Variants in THBS3 observed in about 807,000 individuals in gnomAD.
THBS3 encodes thrombospondin 3, also known as thrombospondin-3.
THBS3 carries 78 observed loss-of-function variants against 118.3 expected under a neutral mutation model. The ratio of observed to expected loss-of-function variants is 0.66; its 90% CI spans 0.55 to 0.80. The LOEUF is 0.80. Ranked by LOEUF, THBS3 falls within the 30% of genes least tolerant of loss-of-function variation. THBS3 has a pLI of 0.00. For missense variants in THBS3, 1,057 were observed against 1,247.4 expected (o/e 0.85, Z 2.30); for synonymous variants, 427 against 475.3 (o/e 0.90, Z 1.32).
rs1670513702 is a variant in THBS3 at position 155,206,158 on chromosome 1, A to C, written c.286+42T>G. 1 of 1,605,196 alleles carries C rather than the reference A, an allele frequency of 6.2e-7. No homozygotes were observed. On this transcript the variant is annotated intron_variant, in intron 2 of 22. Transcript: ENST00000368378. The surrounding 1 kb of genome is among the most constrained non-coding windows in gnomAD (Gnocchi z 4.2). ...GAAGTAGGGATGAGGGAGAGTGCTT[A>C]AGGAGGTCACCATTGCAAGAAAGGA...
rs1290148234 is a variant in THBS3 at position 155,198,126 on chromosome 1, A to G, written c.2169T>C (p.Leu723=). 1 of 1,614,150 alleles carries G rather than the reference A, an allele frequency of 6.2e-7. No individual in the cohort carries two copies. The highest frequency in any genetic ancestry group is 8.5e-7 in the Non-Finnish European group (1 of 1,180,030). The change falls in exon 18 of 23, where the codon CTT becomes CTC. Residue 723 remains leucine, a synonymous_variant. Coordinates refer to ENST00000368378, the MANE Select transcript of THBS3 (RefSeq NM_007112.5). ...CGGTCTGATAGGCCCGAAAATCCGT[A>G]AGCGTTACCTCTGCACTTTCAGGAC... ...DVCPESAEVT[L]TDFRAYQTVV...
chr1:155,203,976 T>G (rs977589169), intron 4 of THBS3, among the ~76,000 whole-genome samples: 1 of 152,060 alleles, frequency 6.6e-6, no homozygotes, highest in Non-Finnish European at 1.5e-5. Flanking sequence ...TAGCTGGGAC[T>G]ACAGGTGCCC....
At chr1:155,204,669 T>C (rs1670288471) in intron 4 of THBS3, 186 bp downstream of exon 4, 3 of 616,386 alleles carry the variant, frequency 4.9e-6, no homozygotes, top group South Asian at 1.9e-5. Flanking sequence ...AGATCACTTT[T>C]TTTCTCGGAT....
chr1:155,205,505 C>T (rs1557877252), intron 2 of THBS3, 189 bp from the exon 3 acceptor site: 11 of 779,708 alleles, frequency 1.4e-5, no homozygotes, highest in East Asian at 2.8e-5. Flanking sequence ...AGGCCAGGCA[C>T]GGTGGCTCAC....
rs895184414 is a variant in THBS3 at position 155,202,184 on chromosome 1, G to C, written c.1098+77C>G. 6.3e-7 allele frequency: 1 copy of C among 1,593,860 alleles called. No homozygotes were observed. The highest frequency in any genetic ancestry group is 1.3e-5 in the African/African-American group (1 of 74,362). On this transcript the variant is annotated intron_variant, in intron 9 of 22. Transcript: ENST00000368378. This position sits in a 1 kb window ranked among gnomAD's most constrained non-coding sequence, Gnocchi z 5.5. Reference sequence around the variant, plus strand: ...CCATCCATGTCCCATTCATCACAAGGGTCCCATGTCCAACCCAGAAGCCCC... The same window carrying C: ...CCATCCATGTCCCATTCATCACAAGCGTCCCATGTCCAACCCAGAAGCCCC...
In THBS3 at chr1:155,202,022, T is replaced by A; in HGVS notation, c.1111A>T (p.Ile371Phe). The A allele has an allele frequency of 6.2e-7, 1 of 1,614,164 alleles. No homozygotes were observed. Among genetic ancestry groups the A allele is most frequent in the Non-Finnish European group, 8.5e-7 (1 of 1,180,028 alleles). The change falls in exon 10 of 23, where the codon ATC becomes TTC. Residue 371 changes from isoleucine to phenylalanine, a missense_variant. Physicochemically the swap from Ile to Phe is conservative, Grantham distance 21. Around this residue, in one of 3 missense-constraint regions of THBS3, gnomAD observed 544 missense variants for 715.6 expected, o/e 0.76. Coordinates refer to ENST00000368378, the MANE Select transcript of THBS3 (RefSeq NM_007112.5). This position sits in a 1 kb window ranked among gnomAD's most constrained non-coding sequence, Gnocchi z 5.5. ...TTGTTGCCATCGTTGCATTCATCGATGTCATTGCAGACCTGAAGGGGCAGA... is the reference window on the plus strand; with the variant it reads ...TTGTTGCCATCGTTGCATTCATCGAAGTCATTGCAGACCTGAAGGGGCAGA... The part of the protein sequence containing the change: ...ARASKQVCND[I>F]DECNDGNNGG...
At chr1:155,196,319 T>A (rs1190341688) in intron 21 of THBS3, 193 bp from the exon 22 acceptor site, 2 of 622,056 alleles carry the variant, frequency 3.2e-6, no homozygotes, top group Non-Finnish European at 5.5e-6. Context: ...GGCCCCTAGC[T>A]CTTTGTCCAG....
In THBS3 at chr1:155,202,366, G is replaced by C. The variant is rs1669896721; in HGVS notation, c.993C>G (p.Ser331Arg). The change falls in exon 9 of 23, where the codon AGC becomes AGG. Residue 331 changes from serine (S) to arginine (R), a missense_variant. Around this residue, in one of 3 missense-constraint regions of THBS3, gnomAD observed 544 missense variants for 715.6 expected, o/e 0.76. Transcript: ENST00000368378. This position sits in a 1 kb window ranked among gnomAD's most constrained non-coding sequence, Gnocchi z 5.5. ...GGAAGCCGGGCATGGTGTTGATGCA[G>C]CTGGAGCCCGGGAAACAGGGGTCAG... ...AHADPCFPGS[S>R]CINTMPGFHC... 3.7e-6 allele frequency: 6 copies of C among 1,614,064 alleles called. No homozygotes were observed. The highest frequency in any genetic ancestry group is 5.1e-6 in the Non-Finnish European group (6 of 1,180,026).
chr1:155,202,180 C>T lies in THBS3; in HGVS notation c.1098+81G>A. On this transcript the variant is annotated intron_variant, in intron 9 of 22. Transcript: ENST00000368378. This position sits in a 1 kb window ranked among gnomAD's most constrained non-coding sequence, Gnocchi z 5.5. ...AAAGCCATCCATGTCCCATTCATCA[C>T]AAGGGTCCCATGTCCAACCCAGAAG... 6.3e-7 allele frequency: 1 copy of T among 1,593,868 alleles called. No homozygotes were observed. The highest frequency in any genetic ancestry group is 8.6e-7 in the Non-Finnish European group (1 of 1,168,564).
chr1:155,205,246 A>C lies in THBS3; in HGVS notation c.357T>G (p.Asp119Glu). ...AVNLQQAGLA[D>E]GRTHTVLLRL... ...GCAGGAGAACTGTGTGTGTGCGCCC[A>C]TCAGCCAGGCCCGCTTGCTGTAGGT... The change falls in exon 3 of 23, where the codon GAT becomes GAG. Residue 119 changes from aspartate (D) to glutamate (E), a missense_variant. This residue lies in a region of THBS3 where 206 missense variants were observed against 205.7 expected (regional missense o/e 1.00). Transcript: ENST00000368378. 1 of 1,614,138 alleles carries C rather than the reference A, an allele frequency of 6.2e-7. No homozygotes were observed. Among genetic ancestry groups the C allele is most frequent in the East Asian group, 2.2e-5 (1 of 44,880 alleles).
Position 155,197,780 on chromosome 1 carries a change from C to T in THBS3, c.2302+100G>A, listed in dbSNP as rs569681720. On this transcript the variant is annotated intron_variant, in intron 19 of 22. Transcript: ENST00000368378. The surrounding 1 kb of genome is among the most constrained non-coding windows in gnomAD (Gnocchi z 5.0). ...CAGCTTGTGCCACTGCCTTCTCTCT[C>T]GCCACTTTGCCCATTCTCCCTGTCT... 4.0e-5 allele frequency: 64 copies of T among 1,594,984 alleles called. No individual in the cohort carries two copies. The highest frequency in any genetic ancestry group is 5.0e-5 in the Admixed American group (3 of 59,740).
At chr1:155,203,005 A>G in intron 7 of THBS3, 45 bp from the exon 8 acceptor site, 1 of 1,613,862 alleles carries the variant, frequency 6.2e-7, no homozygotes, top group Non-Finnish European at 8.5e-7. Context: ...TCACTATTTA[A>G]GCCACCAGAA....
Position 155,204,912 on chromosome 1 carries a change from G to T in THBS3, c.589C>A (p.Arg197=), listed in dbSNP as rs748198784. The change falls in exon 4 of 23, where the codon CGG becomes AGG. Residue 197 remains arginine, a synonymous_variant. Transcript: ENST00000368378. ...GGACACTCACTCAGGGCTCCTACCC[G>T]GGCCATGGACCCACCCAGAATAATT... ...MKIILGGSMA[R]VGALSECPFQ... 6.2e-7 allele frequency: 1 copy of T among 1,613,912 alleles called. No individual in the cohort carries two copies. The highest frequency in any genetic ancestry group is 1.7e-5 in the Admixed American group (1 of 60,014).
At chr1:155,196,313 C>T in intron 21 of THBS3, 187 bp from the exon 22 acceptor site, 2 of 649,662 alleles carry the variant, frequency 3.1e-6, no homozygotes, top group South Asian at 2.0e-5. Flanking sequence ...GCCTGGGGCC[C>T]CTAGCTCTTT....
Position 155,195,824 on chromosome 1 carries a change from A to G in THBS3, c.*17T>C. Reference sequence around the variant, plus strand: ...AAGGGTCTAAAATTCTGAATTCTGAATCTGGTGGCCTCCTCCTCACACCCT... The same window carrying G: ...AAGGGTCTAAAATTCTGAATTCTGAGTCTGGTGGCCTCCTCCTCACACCCT... On this transcript the variant is annotated 3_prime_UTR_variant, in exon 23 of 23. Coordinates refer to ENST00000368378, the MANE Select transcript of THBS3 (RefSeq NM_007112.5). The G allele has an allele frequency of 6.2e-7, 1 of 1,613,480 alleles. No individual in the cohort carries two copies. Among genetic ancestry groups the G allele is most frequent in the Non-Finnish European group, 8.5e-7 (1 of 1,179,948 alleles).
rs893253403 is a variant in THBS3, at chr1:155,206,390, A to C, written c.96T>G (p.Thr32=). ...CTACCATCTGCCGAGACTCGCCCAC[A>C]GTCAGCAGGTCAATTACTGGTCAGG... ...SQDLQVIDLL[T]VGESRQMVAV... The change falls in exon 2 of 23, where the codon ACT becomes ACG. Residue 32 remains threonine, a synonymous_variant. Coordinates refer to ENST00000368378, the MANE Select transcript of THBS3 (RefSeq NM_007112.5). This position sits in a 1 kb window ranked among gnomAD's most constrained non-coding sequence, Gnocchi z 4.2. The C allele has an allele frequency of 1.2e-6, 2 of 1,614,126 alleles. No homozygotes were observed. The highest frequency in any genetic ancestry group is 4.5e-5 in the East Asian group (2 of 44,888).
Position 155,197,236 on chromosome 1 carries a change from G to A in THBS3, c.2500-23C>T. 1 of 1,608,110 alleles carries A rather than the reference G, an allele frequency of 6.2e-7. No individual in the cohort carries two copies. The highest frequency in any genetic ancestry group is 8.5e-7 in the Non-Finnish European group (1 of 1,175,018). On this transcript the variant is annotated intron_variant, in intron 20 of 22. Coordinates refer to ENST00000368378, the MANE Select transcript of THBS3 (RefSeq NM_007112.5). This position sits in a 1 kb window ranked among gnomAD's most constrained non-coding sequence, Gnocchi z 5.0. ...TGCCTAGGAGACATTGGCAAAGACA[G>A]TGGGTCAACTGCAGAACTGGAGTGA... is the stretch of plus-strand genomic sequence containing the variant.
chr1:155,198,208 CCAA>C lies in THBS3; in HGVS notation c.2084_2086del (p.Val695del). ...GTCAAAGTCATCCTCACACACATCA[CCAA>C]CGCCATTGCCTGGGCAGAGTGAGGC... On this transcript the variant is annotated inframe_deletion, in exon 18 of 23. Transcript: ENST00000368378. 1 of 1,614,172 alleles carries C rather than the reference CCAA, an allele frequency of 6.2e-7. No individual in the cohort carries two copies. Among genetic ancestry groups the C allele is most frequent in the Non-Finnish European group, 8.5e-7 (1 of 1,180,016 alleles).
rs2147915281 is a variant in THBS3, at chr1:155,197,748, A to G, written c.2303-89T>C. The G allele has an allele frequency of 1.3e-6, 2 of 1,590,116 alleles. No individual in the cohort carries two copies. Among genetic ancestry groups the G allele is most frequent in the South Asian group, 2.2e-5 (2 of 90,104 alleles). On this transcript the variant is annotated intron_variant, in intron 19 of 22. Transcript: ENST00000368378. This position sits in a 1 kb window ranked among gnomAD's most constrained non-coding sequence, Gnocchi z 5.0. ...AGTTGGGAAGGGATGCCTGCTATGT[A>G]TGTGGCCAGCTTGTGCCACTGCCTT...
Sources: gnomAD v4.1 joint callset for allele counts (sites outside exome capture counted in the v4.1 genomes callset) on GRCh38, gnomAD v4.1.1 for gene constraint, gnomAD v4.1.1 regional missense constraint, Gnocchi (gnomAD v3.1) non-coding constraint, MANE v1.5 for transcripts, NCBI Gene and HGNC (gene_info 2026-07-23, HGNC 2026-07-21) for gene names.